FGD5: variants seen among roughly 807,000 people sequenced by gnomAD.
The protein encoded by FGD5 is FYVE, RhoGEF and PH domain-containing protein 5.
A neutral mutation model predicts 133.4 loss-of-function variants in FGD5; 28 were observed. The observed-to-expected ratio is 0.21, with a 90% CI of 0.16 to 0.29. The LOEUF (loss-of-function observed/expected upper bound fraction) is 0.29. Ranked by LOEUF, FGD5 falls within the 10% of genes least tolerant of loss-of-function variation. The pLI is 1.00. For missense variants in FGD5, 1,858 were observed against 1,895.2 expected, an observed-to-expected ratio of 0.98 and a Z score of 0.36; for synonymous variants, 810 against 776.5, an observed-to-expected ratio of 1.04 and a Z score of -0.72.
At chr3:14,928,507 G>A (rs767353300) in intron 18 of FGD5, among the ~76,000 whole-genome samples, 2 of 152,180 alleles carry the variant, frequency 1.3e-5, no homozygotes, top group Non-Finnish European at 2.9e-5. Context: ...CCCTTTGAGA[G>A]GCTGAGGCAG....
chr3:14,843,577 C>CG (rs1385316776), intron 1 of FGD5, among the ~76,000 whole-genome samples: 1 of 151,932 alleles, frequency 6.6e-6, no homozygotes, highest in Non-Finnish European at 1.5e-5. Flanking sequence ...GATAAGGTCA[C>CG]GGCCAGCCCC....
At chr3:14,931,841 C>G (rs1170285199) in intron 18 of FGD5, 1 of 152,138 alleles carries the variant, frequency 6.6e-6, no homozygotes, top group Non-Finnish European at 1.5e-5. Context: ...GAGTCACTGA[C>G]TGATGAAATC....
chr3:14,824,186 T>A (rs1267219215), intron 1 of FGD5, among the ~76,000 whole-genome samples: 1 of 152,126 alleles, frequency 6.6e-6, no homozygotes, highest in Non-Finnish European at 1.5e-5. Flanking sequence ...CTTTCCTACA[T>A]GAAACAGATG....
intron 4 of FGD5, among the ~76,000 whole-genome samples, chr3:14,880,985 G>C (rs2037814384): frequency 6.6e-6 from 1 of 152,150 alleles, no homozygotes. Context: ...TCAGGGATGG[G>C]GTGCATGGGG....
At chr3:14,829,479 C>T (rs1286994742) in intron 1 of FGD5, among the ~76,000 whole-genome samples, 2 of 152,108 alleles carry the variant, frequency 1.3e-5, no homozygotes, top group Non-Finnish European at 2.9e-5. Context: ...GTGGCTGCAG[C>T]CAGGGGAGGA....
chr3:14,832,290 C>G (rs1013249443), intron 1 of FGD5, among the ~76,000 whole-genome samples: 2 of 152,218 alleles, frequency 1.3e-5, no homozygotes, highest in Admixed American at 6.5e-5. Flanking sequence ...AGAGCTCTCC[C>G]TGCACCAGGT....
Position 14,922,208 on chromosome 3 carries a change from CCA to C in FGD5, c.3669+194_3669+195del, listed in dbSNP as rs1460644927. 3 of 985,608 alleles carry C rather than the reference CCA, an allele frequency of 3.0e-6. No individual in the cohort carries two copies. Among genetic ancestry groups the C allele is most frequent in the African/African-American group, 3.2e-5 (2 of 61,910 alleles). 61.1% of individuals were successfully genotyped at this position (985,608 alleles called of 1,614,324 possible). A position where few individuals can be genotyped will look rare whatever the true frequency, so the allele number is the denominator to read the frequency against. ...TCCGTGTAACCTAGGAGCCCAGCACCCACAGTCTTGTTCTCACAGTCTGGCTG... is the reference window on the plus strand; with the variant it reads ...TCCGTGTAACCTAGGAGCCCAGCACCCAGTCTTGTTCTCACAGTCTGGCTG... On this transcript the variant is annotated intron_variant, in intron 14 of 19. Transcript: ENST00000285046. The surrounding 1 kb of genome is among the most constrained non-coding windows in gnomAD (Gnocchi z 4.1).
chr3:14,890,718 G>C (rs937985626), intron 4 of FGD5, among the ~76,000 whole-genome samples: 2 of 152,246 alleles, frequency 1.3e-5, no homozygotes, highest in African/African-American at 4.8e-5. Flanking sequence ...CATTGGGACT[G>C]AGTCGATTCA....
intron 4 of FGD5, among the ~76,000 whole-genome samples, chr3:14,890,826 G>A (rs914149900): frequency 3.3e-5 from 5 of 152,184 alleles, no homozygotes; most frequent in African/African-American, 1.2e-4. Flanking sequence ...GTCTTTGCCT[G>A]TTCTTCCTTT....
chr3:14,912,373 G>C (rs1368116150), intron 11 of FGD5, among the ~76,000 whole-genome samples: 1 of 152,168 alleles, frequency 6.6e-6, no homozygotes, highest in African/African-American at 2.4e-5. Flanking sequence ...CCTCACTCTG[G>C]CTGGTCGGTT....
intron 13 of FGD5, chr3:14,921,254 C>G (rs2038674152): frequency 6.5e-6 from 1 of 154,072 alleles, no homozygotes; most frequent in African/African-American, 2.4e-5. Context: ...AGCACTGCTC[C>G]CGCCCAGGCC....
chr3:14,817,187 C>T (rs890978642), upstream of FGD5, among the ~76,000 whole-genome samples: 3 of 152,088 alleles, frequency 2.0e-5, no homozygotes, highest in East Asian at 1.9e-4. Context: ...TAAAATATAT[C>T]GTTAAAATTA....
At chr3:14,815,739 A>G (rs547883664), upstream of FGD5, among the ~76,000 whole-genome samples, 1 of 152,136 alleles carries the variant, frequency 6.6e-6, no homozygotes, top group South Asian at 2.1e-4. Flanking sequence ...CTGCTTCACC[A>G]GATGCTGGGA....
intron 10 of FGD5, among the ~76,000 whole-genome samples, chr3:14,909,539 A>T (rs2038405761): frequency 1.3e-5 from 2 of 152,230 alleles, no homozygotes; most frequent in Admixed American, 1.3e-4. Context: ...ATGACAGATA[A>T]CCGAAGTCTT....
chr3:14,870,124 CGG>C (rs1349311526), intron 2 of FGD5, among the ~76,000 whole-genome samples: 3 of 148,870 alleles, frequency 2.0e-5, no homozygotes, highest in Non-Finnish European at 3.0e-5. Flanking sequence ...TGTGAGGGAA[CGG>C]AATGGCATGA....
chr3:14,868,351 C>T (rs890328921), intron 2 of FGD5, among the ~76,000 whole-genome samples: 12 of 152,182 alleles, frequency 7.9e-5, no homozygotes, highest in African/African-American at 2.9e-4. Flanking sequence ...CCTGTCCTCA[C>T]GCCCTCTGTG....
intron 7 of FGD5, among the ~76,000 whole-genome samples, chr3:14,899,232 C>T (rs189723293): frequency 7.2e-5 from 11 of 152,232 alleles, no homozygotes; most frequent in Admixed American, 3.9e-4. Context: ...CTTTCCTCCG[C>T]GGGTTTCTGT....
intron 1 of FGD5, among the ~76,000 whole-genome samples, chr3:14,854,387 C>T (rs1559481077): frequency 7.4e-6 from 1 of 134,320 alleles, no homozygotes; most frequent in African/African-American, 2.8e-5. Context: ...TGTTTCTTTT[C>T]TTTTTATTTA....
intron 4 of FGD5, among the ~76,000 whole-genome samples, chr3:14,884,975 G>T (rs13080977): frequency 6.6e-6 from 1 of 151,354 alleles, no homozygotes; most frequent in East Asian, 2.0e-4. Context: ...TTGCAAGCCT[G>T]CTCTGGACCG....
Sources: gnomAD v4.1 joint callset for allele counts (sites outside exome capture counted in the v4.1 genomes callset) on GRCh38, gnomAD v4.1.1 for gene constraint, Gnocchi (gnomAD v3.1) non-coding constraint, MANE v1.5 for transcripts, NCBI Gene and HGNC (gene_info 2026-07-23, HGNC 2026-07-21) for gene names.